The following GLRA1 variants were observed in gnomAD, a reference collection of about 807,000 sequenced individuals.
The protein encoded by GLRA1 is glycine receptor subunit alpha-1.
In GLRA1, 37 loss-of-function variants were observed where a neutral mutation model predicts 48.3. The ratio of observed to expected loss-of-function variants is 0.77; its 90% CI spans 0.59 to 1.01. GLRA1 has a LOEUF of 1.01. GLRA1 is among the 50% of genes least tolerant of loss of function. The pLI is 0.00. For synonymous variants in GLRA1, 196 were observed against 210.7 expected, an observed-to-expected ratio of 0.93 and a Z score of 0.60; for missense variants, 427 against 571.0, an observed-to-expected ratio of 0.75 and a Z score of 2.57.
chr5:151,864,016 C>A (rs1753270336), intron 3 of GLRA1, among the ~76,000 whole-genome samples: 1 of 152,160 alleles, frequency 6.6e-6, no homozygotes, highest in African/African-American at 2.4e-5. Context: ...TCAGGCCTGG[C>A]CTGAGTGTTG....
intron 7 of GLRA1, among the ~76,000 whole-genome samples, chr5:151,839,157 A>G (rs886366247): frequency 6.6e-6 from 1 of 152,246 alleles, no homozygotes; most frequent in Admixed American, 6.5e-5. Context: ...AGAATTCTGT[A>G]TCCCTTAAAA....
chr5:151,869,348 C>A (rs1753417409), intron 3 of GLRA1, among the ~76,000 whole-genome samples: 1 of 151,642 alleles, frequency 6.6e-6, no homozygotes, highest in Non-Finnish European at 1.5e-5. Flanking sequence ...AAGTGATCCA[C>A]CCGCCTTGGC....
chr5:151,827,555 G>A (rs1439091756), intron 8 of GLRA1, among the ~76,000 whole-genome samples: 1 of 152,170 alleles, frequency 6.6e-6, no homozygotes, highest in Non-Finnish European at 1.5e-5. Context: ...TTTTGCACAT[G>A]AAGAACCTGG....
intron 4 of GLRA1, 114 bp from the exon 5 acceptor site, chr5:151,856,497 GA>G: frequency 1.4e-6 from 1 of 712,640 alleles, no homozygotes; most frequent in Non-Finnish European, 2.6e-6. Flanking sequence ...GAAGGTCAGG[GA>G]ACTTGTGTTT....
intron 4 of GLRA1, 115 bp from the exon 5 acceptor site, chr5:151,856,498 A>G: frequency 1.4e-6 from 1 of 709,130 alleles, no homozygotes; most frequent in Non-Finnish European, 2.6e-6. Context: ...AAGGTCAGGG[A>G]ACTTGTGTTT....
At chr5:151,825,518 G>A (rs1161774743) in intron 8 of GLRA1, among the ~76,000 whole-genome samples, 1 of 152,070 alleles carries the variant, frequency 6.6e-6, no homozygotes, top group Admixed American at 6.6e-5. Context: ...GGAATGACTG[G>A]TAAAAGGCTT....
chr5:151,855,935 C>T (rs1187295705), intron 5 of GLRA1, among the ~76,000 whole-genome samples: 12 of 152,194 alleles, frequency 7.9e-5, no homozygotes, highest in Admixed American at 3.9e-4. Context: ...AATCACTTGC[C>T]GCCCTTTAGT....
intron 3 of GLRA1, among the ~76,000 whole-genome samples, chr5:151,862,061 T>C (rs1352085963): frequency 6.6e-6 from 1 of 152,128 alleles, no homozygotes; most frequent in African/African-American, 2.4e-5. Flanking sequence ...CAAAACAACA[T>C]TGTACTGGTA....
At chr5:151,877,100 G>A (rs919090238) in intron 3 of GLRA1, among the ~76,000 whole-genome samples, 9 of 152,182 alleles carry the variant, frequency 5.9e-5, no homozygotes, top group Admixed American at 5.9e-4. Flanking sequence ...ATAATTTTCT[G>A]TTGTTGAAGG....
chr5:151,851,567 C>T lies in GLRA1; in HGVS notation c.735G>A (p.Glu245=), dbSNP rs1231018388. 2 of 1,614,074 alleles carry T rather than the reference C, an allele frequency of 1.2e-6. No individual in the cohort carries two copies. Among genetic ancestry groups the T allele is most frequent in the South Asian group, 2.2e-5 (2 of 91,072 alleles). ...GAATCAGGTAGTAACCCATCTGCCG[C>T]TCCAGGTGGAACCGGGCCTCAATGC... ...FTCIEARFHL[E]RQMGYYLIQM... Residue 245 remains glutamate (E), a synonymous_variant, in exon 7 of 9, where the codon GAG becomes GAA. Coordinates refer to ENST00000274576, the MANE Select transcript of GLRA1 (RefSeq NM_000171.4).
At chr5:151,844,084 C>T (rs967634955) in intron 7 of GLRA1, among the ~76,000 whole-genome samples, 3 of 150,848 alleles carry the variant, frequency 2.0e-5, no homozygotes, top group African/African-American at 4.9e-5. Flanking sequence ...GCAGAAGAAT[C>T]GCTTGAACTC....
intron 7 of GLRA1, among the ~76,000 whole-genome samples, chr5:151,835,246 G>T (rs542554757): frequency 6.6e-6 from 1 of 151,940 alleles, no homozygotes; most frequent in Non-Finnish European, 1.5e-5. Context: ...TCCCGGAAAA[G>T]GTCAATAACA....
chr5:151,871,844 G>GTGA (rs1753494999), intron 3 of GLRA1, among the ~76,000 whole-genome samples: 1 of 149,836 alleles, frequency 6.7e-6, no homozygotes, highest in Non-Finnish European at 1.5e-5. Flanking sequence ...GATTACAGGC[G>GTGA]TGAACCACCG....
At chr5:151,835,593 A>G (rs994475696) in intron 7 of GLRA1, among the ~76,000 whole-genome samples, 2 of 152,248 alleles carry the variant, frequency 1.3e-5, no homozygotes, top group African/African-American at 2.4e-5. Flanking sequence ...CCAGCAGCAC[A>G]TCAAAAAGCT....
chr5:151,870,104 T>G (rs1175186582), intron 3 of GLRA1, among the ~76,000 whole-genome samples: 1 of 149,792 alleles, frequency 6.7e-6, no homozygotes, highest in Non-Finnish European at 1.5e-5. Context: ...ATACAATATG[T>G]TAGACTATCT....
intron 7 of GLRA1, among the ~76,000 whole-genome samples, chr5:151,838,952 A>T (rs1423893974): frequency 2.0e-5 from 3 of 152,140 alleles, no homozygotes; most frequent in Non-Finnish European, 4.4e-5. Context: ...CTGCTACTGC[A>T]ACCTCCACCT....
intron 8 of GLRA1, among the ~76,000 whole-genome samples, chr5:151,827,343 T>C (rs576024376): frequency 6.6e-6 from 1 of 152,298 alleles, no homozygotes; most frequent in South Asian, 2.1e-4. Flanking sequence ...GGACATCTTC[T>C]GTATTGGAAC....
At chr5:151,867,860 T>A (rs987408240) in intron 3 of GLRA1, among the ~76,000 whole-genome samples, 3 of 152,210 alleles carry the variant, frequency 2.0e-5, no homozygotes, top group Admixed American at 2.0e-4. Context: ...GTATTTGGAT[T>A]TTATTTGCTA....
chr5:151,892,441 AAGG>A lies in GLRA1; in HGVS notation c.57-6_57-4del, dbSNP rs1160984856. 1 of 1,613,810 alleles carries A rather than the reference AAGG, an allele frequency of 6.2e-7. No homozygotes were observed. The highest frequency in any genetic ancestry group is 8.5e-7 in the Non-Finnish European group (1 of 1,179,878). On this transcript the variant is annotated splice_region_variant and splice_polypyrimidine_tract_variant and intron_variant, in intron 1 of 8. Transcript: ENST00000274576. ...CAGCCTCCTTAGAAGCAGCAAGGCTAAGGAGGAAGAGAGGAGAGCAAAAGGTTA... is the reference window on the plus strand; with the variant it reads ...CAGCCTCCTTAGAAGCAGCAAGGCTAAGGAAGAGAGGAGAGCAAAAGGTTA...
Sources: gnomAD v4.1 joint callset for allele counts (sites outside exome capture counted in the v4.1 genomes callset) on GRCh38, gnomAD v4.1.1 for gene constraint, MANE v1.5 for transcripts, NCBI Gene and HGNC (gene_info 2026-07-23, HGNC 2026-07-21) for gene names.